Variants in ABAT observed in about 807,000 individuals in gnomAD.
ABAT encodes the protein 4-aminobutyrate aminotransferase, also known as 4-aminobutyrate aminotransferase, mitochondrial.
In ABAT, 45 loss-of-function variants were observed where a neutral mutation model predicts 64.6. The observed-to-expected ratio is 0.70, with a 90% CI of 0.55 to 0.89. The LOEUF is 0.89. Ranked by LOEUF, ABAT falls within the 40% of genes least tolerant of loss-of-function variation. ABAT has a pLI of 0.00. For missense variants in ABAT, 633 were observed against 658.4 expected, an observed-to-expected ratio of 0.96 and a Z score of 0.42; for synonymous variants, 297 against 250.5, an observed-to-expected ratio of 1.19 and a Z score of -1.75.
chr16:8,738,616 G>GTTTTTTTTTTTTTTTTTTTTTTTTTTT (rs772511380), intron 2 of ABAT, among the ~76,000 whole-genome samples: 3 of 117,632 alleles, frequency 2.6e-5, no homozygotes, highest in African/African-American at 3.8e-5. Flanking sequence ...TTTTGTTTTT[G>GTTTTTTTTTTTTTTTTTTTTTTTTTTT]TTTTTGTTTT....
chr16:8,683,763 C>T (rs957612011), intron 1 of ABAT, among the ~76,000 whole-genome samples: 1 of 152,182 alleles, frequency 6.6e-6, no homozygotes, highest in African/African-American at 2.4e-5. Context: ...ACTTACTAGA[C>T]TCCAGGCATG....
In ABAT at chr16:8,764,218, C is replaced by A; in HGVS notation, c.447+69C>A. On this transcript the variant is annotated intron_variant, in intron 7 of 15. Transcript: ENST00000268251. This position sits in a 1 kb window ranked among gnomAD's most constrained non-coding sequence, Gnocchi z 4.2. ...TGGCAGGGGAAGGGAAAAGTGGAGACGCCAACAATGAAGAATAAGGTGTTG... is the reference window on the plus strand; with the variant it reads ...TGGCAGGGGAAGGGAAAAGTGGAGAAGCCAACAATGAAGAATAAGGTGTTG... The A allele has an allele frequency of 2.4e-6, 3 of 1,269,692 alleles. No homozygotes were observed. Among genetic ancestry groups the A allele is most frequent in the Non-Finnish European group, 3.4e-6 (3 of 871,042 alleles). The allele number at this position is 1,269,692 out of a possible 1,614,324, so 78.7% of individuals were successfully genotyped here. A position where few individuals can be genotyped will look rare whatever the true frequency, so the allele number is the denominator to read the frequency against.
intron 5 of ABAT, among the ~76,000 whole-genome samples, chr16:8,753,197 G>A (rs535629954): frequency 2.0e-5 from 3 of 151,520 alleles, no homozygotes; most frequent in East Asian, 1.9e-4. Flanking sequence ...GGGTTCAAGC[G>A]ATTCTCCTGC....
At chr16:8,728,973 C>A (rs1358888198) in intron 1 of ABAT, among the ~76,000 whole-genome samples, 2 of 152,138 alleles carry the variant, frequency 1.3e-5, no homozygotes, top group Non-Finnish European at 2.9e-5. Flanking sequence ...AAAATTTATT[C>A]TGTGAACTAC....
At chr16:8,713,835 G>A (rs1225150536) in intron 1 of ABAT, 1 of 455,830 alleles carries the variant, frequency 2.2e-6, no homozygotes, top group Non-Finnish European at 4.4e-6. Context: ...AGCGAGCTGA[G>A]CTCGCCGCAG....
intron 2 of ABAT, among the ~76,000 whole-genome samples, chr16:8,738,788 G>C (rs2059070792): frequency 6.6e-6 from 1 of 151,780 alleles, no homozygotes; most frequent in African/African-American, 2.4e-5. Flanking sequence ...GGGATTACAG[G>C]CACCTGCCAC....
intron 6 of ABAT, among the ~76,000 whole-genome samples, chr16:8,763,739 G>C (rs1368460921): frequency 6.6e-6 from 1 of 152,166 alleles, no homozygotes; most frequent in Non-Finnish European, 1.5e-5. Context: ...AATATATAAA[G>C]AAAGAGACTC....
At chr16:8,749,478 A>T (rs1188550789) in intron 4 of ABAT, among the ~76,000 whole-genome samples, 3 of 136,620 alleles carry the variant, frequency 2.2e-5, no homozygotes, top group African/African-American at 8.3e-5. Context: ...GGCTCACTGC[A>T]ACATCCGCCT....
intron 1 of ABAT, among the ~76,000 whole-genome samples, chr16:8,692,428 A>T (rs2057604937): frequency 2.0e-5 from 3 of 152,172 alleles, no homozygotes; most frequent in Non-Finnish European, 2.9e-5. Flanking sequence ...AGAGTCCATA[A>T]AATGCTTTCG....
At chr16:8,688,603 A>G (rs1416617491) in intron 1 of ABAT, among the ~76,000 whole-genome samples, 1 of 152,124 alleles carries the variant, frequency 6.6e-6, no homozygotes, top group Non-Finnish European at 1.5e-5. Context: ...CATCCTGTGG[A>G]CCCCTTTGCC....
chr16:8,763,281 T>C (rs964002052), intron 6 of ABAT, among the ~76,000 whole-genome samples: 1 of 152,146 alleles, frequency 6.6e-6, no homozygotes, highest in African/African-American at 2.4e-5. Flanking sequence ...TTGGGGCAAG[T>C]TGCTTGACCT....
At chr16:8,753,595 G>C (rs548693992) in intron 5 of ABAT, among the ~76,000 whole-genome samples, 1 of 152,348 alleles carries the variant, frequency 6.6e-6, no homozygotes, top group Admixed American at 6.5e-5. Context: ...AACAGGCTTA[G>C]CTCTCCAAAG....
At chr16:8,745,234 C>T (rs537279882) in intron 2 of ABAT, among the ~76,000 whole-genome samples, 1 of 152,200 alleles carries the variant, frequency 6.6e-6, no homozygotes, top group African/African-American at 2.4e-5. Context: ...CACCCACCTT[C>T]GACTCCCAGA....
rs1208949884 is a variant in ABAT, at chr16:8,676,143, C to T, written c.-42+1432C>T. ...TTGCTCTTTGGAGCCTGTGTTGCGG[C>T]GTGGAGTCATAGAGAAATGTGTTTT... On this transcript the variant is annotated intron_variant, in intron 1 of 15. Coordinates refer to ENST00000268251, the MANE Select transcript of ABAT (RefSeq NM_020686.6). 2.0e-5 allele frequency among the ~76,000 whole-genome samples: 3 copies of T among 152,040 alleles called. No individual in the cohort carries two copies. In the East Asian group the frequency reaches 5.8e-4, roughly 29 times the overall value.
At chr16:8,710,727 A>AGAGAGGGAGAGAGGGAGAGGGAGG (rs146344975) in intron 1 of ABAT, among the ~76,000 whole-genome samples, 5 of 103,758 alleles carry the variant, frequency 4.8e-5, no homozygotes, top group Non-Finnish European at 1.0e-4. Flanking sequence ...AGAGAGAGAG[A>AGAGAGGGAGAGAGGGAGAGGGAGG]GAGGAAATAG....
At chr16:8,693,076 A>G (rs1014238454) in intron 1 of ABAT, among the ~76,000 whole-genome samples, 11 of 152,152 alleles carry the variant, frequency 7.2e-5, no homozygotes, top group Non-Finnish European at 1.6e-4. Context: ...GATGGTCTCG[A>G]ACTCATGACC....
rs1422706522 is a variant in ABAT, at chr16:8,735,825, C to G, written c.70+16C>G. On this transcript the variant is annotated intron_variant, in intron 2 of 15. Transcript: ENST00000268251. Reference sequence around the variant, plus strand: ...CTGGTGCCTGGTAAGCCCCGGGGGTCTTGATAAGAACTGGTACTAATGGAA... The same window carrying G: ...CTGGTGCCTGGTAAGCCCCGGGGGTGTTGATAAGAACTGGTACTAATGGAA... The G allele has an allele frequency of 6.3e-7, 1 of 1,589,382 alleles. No individual in the cohort carries two copies. Among genetic ancestry groups the G allele is most frequent in the Non-Finnish European group, 8.6e-7 (1 of 1,166,902 alleles).
At chr16:8,711,726 A>ATGATTGGATGGATGGATG (rs1489993719) in intron 1 of ABAT, among the ~76,000 whole-genome samples, 2 of 94,734 alleles carry the variant, frequency 2.1e-5, no homozygotes, top group Admixed American at 1.2e-4. Flanking sequence ...ATGGATGGGA[A>ATGATTGGATGGATGGATG]GATGGATGGG....
intron 1 of ABAT, among the ~76,000 whole-genome samples, chr16:8,688,507 G>A (rs1234063809): frequency 3.3e-5 from 5 of 151,934 alleles, no homozygotes; most frequent in Non-Finnish European, 7.4e-5. Flanking sequence ...TTTACTTTTT[G>A]AATAGGCAAT....
Sources: gnomAD v4.1 joint callset for allele counts (sites outside exome capture counted in the v4.1 genomes callset) on GRCh38, gnomAD v4.1.1 for gene constraint, Gnocchi (gnomAD v3.1) non-coding constraint, MANE v1.5 for transcripts, NCBI Gene and HGNC (gene_info 2026-07-23, HGNC 2026-07-21) for gene names.